Variants in TRIM2 observed in about 807,000 individuals in gnomAD.
TRIM2 encodes the protein tripartite motif-containing protein 2.
TRIM2 carries 20 observed loss-of-function variants against 75.2 expected under a neutral mutation model. The observed-to-expected ratio is 0.27, with a 90% CI of 0.19 to 0.39. The LOEUF is 0.39. Among genes scored for constraint, TRIM2 ranks in the 10% least tolerant of loss-of-function variants. The pLI, the probability that TRIM2 is intolerant of heterozygous loss-of-function variation, is 1.00. For synonymous variants in TRIM2, 373 were observed against 388.3 expected (o/e 0.96, Z 0.46); for missense variants, 660 against 990.8 (o/e 0.67, Z 4.48).
At chr4:153,240,992 G>A (rs1238908637) in intron 1 of TRIM2, among the ~76,000 whole-genome samples, 1 of 152,184 alleles carries the variant, frequency 6.6e-6, no homozygotes, top group Non-Finnish European at 1.5e-5. Context: ...CAGGAGAATC[G>A]CTTGAACCTG....
chr4:153,240,436 C>G (rs2149839420), intron 1 of TRIM2, among the ~76,000 whole-genome samples: 1 of 152,264 alleles, frequency 6.6e-6, no homozygotes, highest in South Asian at 2.1e-4. Context: ...TTTGCATAAA[C>G]AGTAAATATT....
chr4:153,185,065 G>A (rs552126634), intron 1 of TRIM2, among the ~76,000 whole-genome samples: 3 of 152,330 alleles, frequency 2.0e-5, no homozygotes, highest in Admixed American at 6.5e-5. Context: ...CAGGAATCTC[G>A]ACATTCTTTC....
intron 6 of TRIM2, among the ~76,000 whole-genome samples, chr4:153,311,937 T>G (rs1032369949): frequency 7.6e-6 from 1 of 131,344 alleles, no homozygotes; most frequent in African/African-American, 2.8e-5. Flanking sequence ...TATTATACTT[T>G]AAGTTTTAGG....
chr4:153,334,738 C>A, intron 11 of TRIM2, 76 bp from the exon 12 acceptor site: 1 of 1,307,898 alleles, frequency 7.6e-7, no homozygotes, highest in Non-Finnish European at 1.1e-6. Context: ...ACATTAGCAT[C>A]AAGAGTTTTC....
chr4:153,189,866 CA>C (rs1733005011), intron 1 of TRIM2, among the ~76,000 whole-genome samples: 1 of 152,124 alleles, frequency 6.6e-6, no homozygotes. Flanking sequence ...TTTCAAGATT[CA>C]AAAGAATGTA....
chr4:153,240,491 A>T (rs558438321), intron 1 of TRIM2, among the ~76,000 whole-genome samples: 1 of 152,324 alleles, frequency 6.6e-6, no homozygotes, highest in East Asian at 1.9e-4. Flanking sequence ...TAGTAATTAG[A>T]CTACCTTCAG....
chr4:153,168,314 A>G (rs1187355681), intron 1 of TRIM2, among the ~76,000 whole-genome samples: 1 of 152,244 alleles, frequency 6.6e-6, no homozygotes, highest in Non-Finnish European at 1.5e-5. Flanking sequence ...ATAATAAATT[A>G]CATAAATTGT....
chr4:153,218,771 G>A (rs1333543628), intron 1 of TRIM2, among the ~76,000 whole-genome samples: 1 of 152,096 alleles, frequency 6.6e-6, no homozygotes, highest in African/African-American at 2.4e-5. Flanking sequence ...ACTAGTAAGG[G>A]AGTTACTGAA....
At chr4:153,303,398 A>C (rs980292877) in intron 6 of TRIM2, among the ~76,000 whole-genome samples, 2 of 151,502 alleles carry the variant, frequency 1.3e-5, no homozygotes, top group African/African-American at 4.9e-5. Flanking sequence ...GCTGGAACCC[A>C]GGAGGCGGAG....
intron 1 of TRIM2, among the ~76,000 whole-genome samples, chr4:153,235,492 C>T (rs1744791342): frequency 6.6e-6 from 1 of 151,820 alleles, no homozygotes; most frequent in African/African-American, 2.4e-5. Context: ...CACCATGTTG[C>T]CCAGGCTGGT....
intron 3 of TRIM2, among the ~76,000 whole-genome samples, chr4:153,281,893 A>G (rs1319635116): frequency 6.6e-6 from 1 of 152,230 alleles, no homozygotes; most frequent in Non-Finnish European, 1.5e-5. Flanking sequence ...TAGGCACCTG[A>G]CTATCAAGGG....
chr4:153,317,048 C>T (rs1767798712), intron 8 of TRIM2, among the ~76,000 whole-genome samples: 1 of 151,150 alleles, frequency 6.6e-6, no homozygotes, highest in African/African-American at 2.4e-5. Context: ...GCCCGGCTAA[C>T]TTTTTGCATT....
intron 1 of TRIM2, among the ~76,000 whole-genome samples, chr4:153,216,621 A>G (rs1738540689): frequency 6.6e-6 from 1 of 152,224 alleles, no homozygotes; most frequent in African/African-American, 2.4e-5. Flanking sequence ...TTGTGCTACT[A>G]TAACAAAATG....
rs543762885 is a variant in TRIM2 at position 153,248,002 on chromosome 4, T to G, written c.31-22333T>G. 4.0e-4 allele frequency among the ~76,000 whole-genome samples: 60 copies of G among 150,942 alleles called. 1 individual carries two copies. The South Asian group carries it at 8.9e-3, about 22-fold the overall frequency. ...TCAGGCATTGGATCATGTGTTTTTT[T>G]TTTTTTTTTTTGAGATGGAGTCTCG... On this transcript the variant is annotated intron_variant, in intron 1 of 11. Coordinates refer to ENST00000338700, the MANE Select transcript of TRIM2 (RefSeq NM_015271.5). The surrounding 1 kb of genome is among the most constrained non-coding windows in gnomAD (Gnocchi z 4.0).
At chr4:153,243,261 G>C (rs1747147488) in intron 1 of TRIM2, among the ~76,000 whole-genome samples, 1 of 152,232 alleles carries the variant, frequency 6.6e-6, no homozygotes. Context: ...ATTGGAAAGT[G>C]ATAGAGAAGG....
At chr4:153,215,477 C>G (rs908620697) in intron 1 of TRIM2, among the ~76,000 whole-genome samples, 3 of 151,784 alleles carry the variant, frequency 2.0e-5, no homozygotes, top group Non-Finnish European at 4.4e-5. Flanking sequence ...TGGGCTCTTG[C>G]TGCCATTTAT....
Position 153,337,374 on chromosome 4 carries a change from A to T in TRIM2, c.*2408A>T. On this transcript the variant is annotated 3_prime_UTR_variant, in exon 12 of 12. Coordinates refer to ENST00000338700, the MANE Select transcript of TRIM2 (RefSeq NM_015271.5). ...CTATCAGGCTAGATATCTCAATAGT[A>T]GACTGAATACAAAGCTAATTTTTTT... 2.0e-6 allele frequency: 2 copies of T among 985,896 alleles called. No homozygotes were observed. The highest frequency in any genetic ancestry group is 3.5e-5 in the African/African-American group (2 of 57,362). 61.1% of individuals were successfully genotyped at this position (985,896 alleles called of 1,614,324 possible).
At chr4:153,215,781 A>G (rs1272494760) in intron 1 of TRIM2, among the ~76,000 whole-genome samples, 1 of 152,234 alleles carries the variant, frequency 6.6e-6, no homozygotes, top group Admixed American at 6.5e-5. Context: ...TATGATTAAT[A>G]TAAAGAATAA....
intron 1 of TRIM2, among the ~76,000 whole-genome samples, chr4:153,197,571 T>A (rs1019059486): frequency 1.3e-5 from 2 of 152,134 alleles, no homozygotes; most frequent in African/African-American, 4.8e-5. Context: ...TCCTCATGAA[T>A]GGGATTAGTG....
Sources: allele counts gnomAD v4.1 joint callset (sites outside exome capture counted in the v4.1 genomes callset), GRCh38; gene constraint gnomAD v4.1.1; non-coding constraint Gnocchi (gnomAD v3.1); transcripts MANE v1.5; gene names NCBI Gene and HGNC (gene_info 2026-07-23, HGNC 2026-07-21).